Variants in MAGI1 observed in about 807,000 individuals in gnomAD.
MAGI1 encodes membrane associated guanylate kinase, WW and PDZ domain containing 1.
MAGI1 carries 58 observed loss-of-function variants against 139.9 expected under a neutral mutation model. That is an observed-to-expected ratio of 0.41 (90% CI 0.34 to 0.52). MAGI1 has a LOEUF of 0.52. Ranked by LOEUF, MAGI1 falls within the 20% of genes least tolerant of loss-of-function variation. MAGI1 has a pLI of 0.12. For missense variants in MAGI1, 1,874 were observed against 1,901.6 expected (o/e 0.99, Z 0.27); for synonymous variants, 812 against 737.9 (o/e 1.10, Z -1.63).
At chr3:65,509,346 G>T (rs577979203) in intron 2 of MAGI1, among the ~76,000 whole-genome samples, 1 of 152,192 alleles carries the variant, frequency 6.6e-6, no homozygotes, top group Non-Finnish European at 1.5e-5. Flanking sequence ...AGCTCCCAGC[G>T]TGAGCGACGC....
At chr3:65,907,491 T>G (rs1326277145) in intron 1 of MAGI1, 1 of 152,072 alleles carries the variant, frequency 6.6e-6, no homozygotes, top group African/African-American at 2.4e-5. Context: ...TTACAACAAC[T>G]CAGCCAGTAA....
chr3:65,470,595 T>C (rs567246302), intron 4 of MAGI1, 111 bp from the exon 5 acceptor site: 38 of 628,834 alleles, frequency 6.0e-5, no homozygotes, highest in African/African-American at 4.7e-4. Flanking sequence ...ATCTATATTC[T>C]TAAATGCTCT....
At chr3:65,718,137 G>C (rs977764330) in intron 1 of MAGI1, among the ~76,000 whole-genome samples, 2 of 152,272 alleles carry the variant, frequency 1.3e-5, no homozygotes, top group African/African-American at 4.8e-5. Context: ...CAAGGTCACA[G>C]TGACATACAA....
intron 1 of MAGI1, among the ~76,000 whole-genome samples, chr3:65,975,670 T>C (rs1432805631): frequency 1.3e-5 from 2 of 151,994 alleles, no homozygotes; most frequent in Non-Finnish European, 2.9e-5. Context: ...TAAAATAAAA[T>C]AATAAAGAAA....
At chr3:65,690,841 T>C (rs919120573) in intron 1 of MAGI1, among the ~76,000 whole-genome samples, 18 of 125,562 alleles carry the variant, frequency 1.4e-4, no homozygotes, top group African/African-American at 6.2e-4. Flanking sequence ...AAAATTGATA[T>C]TTTGAATGAT....
intron 1 of MAGI1, among the ~76,000 whole-genome samples, chr3:65,690,204 T>C (rs1199044875): frequency 1.3e-5 from 2 of 152,210 alleles, no homozygotes; most frequent in Non-Finnish European, 1.5e-5. Flanking sequence ...ATGGAGTCTA[T>C]TTGATTACAC....
At chr3:65,654,295 C>T (rs1022634508) in intron 1 of MAGI1, among the ~76,000 whole-genome samples, 2 of 152,078 alleles carry the variant, frequency 1.3e-5, no homozygotes, top group Non-Finnish European at 2.9e-5. Context: ...ACACGTCATC[C>T]CCAAAATCAA....
intron 1 of MAGI1, among the ~76,000 whole-genome samples, chr3:65,931,612 C>G (rs531777545): frequency 7.2e-5 from 11 of 152,238 alleles, no homozygotes; most frequent in South Asian, 2.1e-4. Context: ...TGCAGTGGGC[C>G]GAGATTGTGC....
chr3:65,361,655 C>A (rs1189254944), intron 21 of MAGI1, among the ~76,000 whole-genome samples: 2 of 152,168 alleles, frequency 1.3e-5, no homozygotes, highest in African/African-American at 4.8e-5. Flanking sequence ...GTAATCTCCC[C>A]CTGCCTTTGA....
intron 2 of MAGI1, among the ~76,000 whole-genome samples, chr3:65,590,254 TCAC>T (rs1268357221): frequency 2.0e-5 from 3 of 152,216 alleles, no homozygotes; most frequent in African/African-American, 7.2e-5. Flanking sequence ...TATGTGTCTC[TCAC>T]CACCACCAAT....
chr3:65,472,393 C>A (rs927819405), intron 4 of MAGI1, among the ~76,000 whole-genome samples: 2 of 152,024 alleles, frequency 1.3e-5, no homozygotes, highest in Non-Finnish European at 2.9e-5. Context: ...GGTAAGGTTC[C>A]AAAATGTACA....
At chr3:65,454,618 C>T (rs1028028193) in intron 5 of MAGI1, among the ~76,000 whole-genome samples, 18 of 149,282 alleles carry the variant, frequency 1.2e-4, no homozygotes, top group Middle Eastern at 3.6e-3. Context: ...CAGGCAGTAA[C>T]TTAAAACTTT....
chr3:65,672,886 T>C (rs1258846785), intron 1 of MAGI1, among the ~76,000 whole-genome samples: 4 of 152,222 alleles, frequency 2.6e-5, no homozygotes, highest in South Asian at 2.1e-4. Context: ...TATAAAATTA[T>C]AGTAGAAGGG....
rs374289418 is a variant in MAGI1, at chr3:65,890,800, GC to G, written c.313+147195del. ...TCCAATTTTAGAACTATCCCAATAA[GC>G]TACATTGATTGAACTCCTCCTATTG... On this transcript the variant is annotated intron_variant, in intron 1 of 22. Transcript: ENST00000402939. 6.4e-4 allele frequency among the ~76,000 whole-genome samples: 97 copies of G among 152,332 alleles called. 1 individual carries two copies. Among genetic ancestry groups the G allele is most frequent in the African/African-American group, 2.1e-3 (87 of 41,572 alleles).
rs58391331 is a variant in MAGI1 at position 65,846,976 on chromosome 3, C to CAAAAAA, written c.313+191014_313+191019dup. Among the ~76,000 whole-genome samples the CAAAAAA allele has an allele frequency of 3.8e-4, 31 of 80,960 alleles. 2 individuals are homozygous for CAAAAAA. Among genetic ancestry groups the CAAAAAA allele is most frequent in the Middle Eastern group, 8.6e-3 (1 of 116 alleles). 53.1% of individuals were successfully genotyped at this position (80,960 alleles called of 152,430 possible). A position where few individuals can be genotyped will look rare whatever the true frequency, so the allele number is the denominator to read the frequency against. Reference sequence around the variant, plus strand: ...GATTACAAAGAATAGCAATGTCTTACAAAAAAAAAAAAAAAAAAAACCCTA... The same window carrying CAAAAAA: ...GATTACAAAGAATAGCAATGTCTTACAAAAAAAAAAAAAAAAAAAAAAAAAACCCTA... On this transcript the variant is annotated intron_variant, in intron 1 of 22. Transcript: ENST00000402939.
At chr3:65,789,358 C>T (rs2039608821) in intron 1 of MAGI1, among the ~76,000 whole-genome samples, 3 of 152,074 alleles carry the variant, frequency 2.0e-5, no homozygotes, top group Admixed American at 2.0e-4. Context: ...CTCCTCTAGG[C>T]TGTAATAAAA....
chr3:65,841,730 T>G (rs1025236319), intron 1 of MAGI1, among the ~76,000 whole-genome samples: 1 of 152,094 alleles, frequency 6.6e-6, no homozygotes, highest in Non-Finnish European at 1.5e-5. Flanking sequence ...TCGGCCAATT[T>G]TCCTCTTTTC....
At chr3:65,895,599 G>A (rs1285362452) in intron 1 of MAGI1, among the ~76,000 whole-genome samples, 2 of 151,998 alleles carry the variant, frequency 1.3e-5, no homozygotes, top group South Asian at 2.1e-4. Context: ...CTATCTATCC[G>A]GCAGCTTTCT....
intron 1 of MAGI1, among the ~76,000 whole-genome samples, chr3:65,680,795 T>TACGATATGATATG (rs1553690351): frequency 6.6e-6 from 1 of 151,160 alleles, no homozygotes; most frequent in African/African-American, 2.5e-5. Context: ...TATGATATGA[T>TACGATATGATATG]ATACTTTAAT....
Sources: gnomAD v4.1 joint callset for allele counts (sites outside exome capture counted in the v4.1 genomes callset) on GRCh38, gnomAD v4.1.1 for gene constraint, MANE v1.5 for transcripts, NCBI Gene and HGNC (gene_info 2026-07-23, HGNC 2026-07-21) for gene names.